FXR2: variants seen among roughly 807,000 people sequenced by gnomAD.
FXR2 encodes FMR1 autosomal homolog 2.
FXR2 carries 9 observed loss-of-function variants against 87.3 expected under a neutral mutation model. That is an observed-to-expected ratio of 0.10 (90% CI 0.06 to 0.18). The LOEUF is 0.18. FXR2 is among the 10% of genes least tolerant of loss of function. The probability of loss-of-function intolerance (pLI) is 1.00; values close to 1 mark genes in which losing one functional copy is unlikely to be tolerated. For missense variants in FXR2, 661 were observed against 893.6 expected (o/e 0.74, Z 3.32); for synonymous variants, 331 against 328.3 (o/e 1.01, Z -0.09).
At position 7,592,958 on chromosome 17, in the gene FXR2, TA is replaced by T. The variant is rs758197355; in HGVS notation, c.1528+25del. The T allele has an allele frequency of 7.3e-5, 113 of 1,550,734 alleles. No individual in the cohort carries two copies. The highest frequency in any genetic ancestry group is 9.7e-5 in the Non-Finnish European group (112 of 1,149,794). On this transcript the variant is annotated intron_variant, in intron 13 of 16. Coordinates refer to ENST00000250113, the MANE Select transcript of FXR2 (RefSeq NM_004860.4). The surrounding 1 kb of genome is among the most constrained non-coding windows in gnomAD (Gnocchi z 4.8). ...GCCCATCATCTTTCCTTTTGGCCCA[TA>T]TTCATGAACCCAGCTGTCTGGTACC...
At position 7,594,116 on chromosome 17, in the gene FXR2, A is replaced by C; in HGVS notation, c.1021-112T>G. On this transcript the variant is annotated intron_variant, in intron 10 of 16. Coordinates refer to ENST00000250113, the MANE Select transcript of FXR2 (RefSeq NM_004860.4). The surrounding 1 kb of genome is among the most constrained non-coding windows in gnomAD (Gnocchi z 5.1). ...CCAGTGGGATCATTCTGGGCTCTAA[A>C]TCTACTAGTGTTAAACAACTTTCCG... 2 of 900,430 alleles carry C rather than the reference A, an allele frequency of 2.2e-6. No homozygotes were observed. Among genetic ancestry groups the C allele is most frequent in the South Asian group, 2.7e-5 (2 of 73,560 alleles). 55.8% of individuals were successfully genotyped at this position (900,430 alleles called of 1,614,324 possible).
chr17:7,602,944 A>G lies in FXR2; in HGVS notation c.508T>C (p.Phe170Leu). ...FKKALGANCI[F>L]LNITNSELFI... ...AGCTCACTGTTTGTGATGTTGAGAAAGATGCAGTTGGCTCCCAGGGCTTTC... is the reference window on the plus strand; with the variant it reads ...AGCTCACTGTTTGTGATGTTGAGAAGGATGCAGTTGGCTCCCAGGGCTTTC... The change falls in exon 6 of 17, where the codon TTT becomes CTT. Residue 170 changes from phenylalanine (F) to leucine (L), a missense_variant. Around this residue, in one of 3 missense-constraint regions of FXR2, gnomAD observed 170 missense variants for 247.2 expected, o/e 0.69. Coordinates refer to ENST00000250113, the MANE Select transcript of FXR2 (RefSeq NM_004860.4). 6.3e-7 allele frequency: 1 copy of G among 1,586,922 alleles called. No individual in the cohort carries two copies. Among genetic ancestry groups the G allele is most frequent in the Non-Finnish European group, 8.6e-7 (1 of 1,156,130 alleles).
Position 7,606,129 on chromosome 17 carries a change from A to G in FXR2, c.102T>C (p.His34=), listed in dbSNP as rs373601494. The change falls in exon 2 of 17, where the codon CAT becomes CAC. Residue 34 remains histidine, a synonymous_variant. Coordinates refer to ENST00000250113, the MANE Select transcript of FXR2 (RefSeq NM_004860.4). ...AFYKGFVKDV[H]EDSVTIFFEN... is the part of the protein sequence containing the mutation. The stretch of plus-strand genomic sequence containing the variant: ...CAAAGAAGATGGTGACAGAGTCTTC[A>G]TGGACATCCTTCACAAAGCCCTAGA... 50 of 1,546,598 alleles carry G rather than the reference A, an allele frequency of 3.2e-5. No individual in the cohort carries two copies. Among genetic ancestry groups the G allele is most frequent in the Non-Finnish European group, 4.3e-5 (49 of 1,142,692 alleles).
chr17:7,594,464 C>A lies in FXR2; in HGVS notation c.911-117G>T. The A allele has an allele frequency of 1.4e-6, 1 of 703,932 alleles. No homozygotes were observed. The highest frequency in any genetic ancestry group is 2.5e-6 in the Non-Finnish European group (1 of 406,288). The allele number at this position is 703,932 out of a possible 1,614,324, so 43.6% of individuals were successfully genotyped here. A position where few individuals can be genotyped will look rare whatever the true frequency, so the allele number is the denominator to read the frequency against. On this transcript the variant is annotated intron_variant, in intron 9 of 16. Coordinates refer to ENST00000250113, the MANE Select transcript of FXR2 (RefSeq NM_004860.4). This position sits in a 1 kb window ranked among gnomAD's most constrained non-coding sequence, Gnocchi z 5.1. The stretch of plus-strand genomic sequence containing the variant: ...ATATGGATTCCATTTACTTCATTCT[C>A]CTGCTTCTAGGTTTCTGATGTGTTT...
chr17:7,601,093 C>T (rs952842783), intron 7 of FXR2, among the ~76,000 whole-genome samples: 11 of 151,642 alleles, frequency 7.3e-5, no homozygotes, highest in South Asian at 2.1e-4. Flanking sequence ...GCATGAGAAT[C>T]GCTTAAACAC....
Position 7,592,005 on chromosome 17 carries a change from C to T in FXR2, c.1927-80G>A. On this transcript the variant is annotated intron_variant, in intron 16 of 16. Transcript: ENST00000250113. This position sits in a 1 kb window ranked among gnomAD's most constrained non-coding sequence, Gnocchi z 4.8. Reference sequence around the variant, plus strand: ...CAGGTGGGAGACATTCCCTACCATCCAAGCCCTCCTGGCATTTGGTGATCC... The same window carrying T: ...CAGGTGGGAGACATTCCCTACCATCTAAGCCCTCCTGGCATTTGGTGATCC... The T allele has an allele frequency of 8.3e-7, 1 of 1,199,170 alleles. No homozygotes were observed. The highest frequency in any genetic ancestry group is 1.2e-6 in the Non-Finnish European group (1 of 848,064). 74.3% of individuals were successfully genotyped at this position (1,199,170 alleles called of 1,614,324 possible). A position where few individuals can be genotyped will look rare whatever the true frequency, so the allele number is the denominator to read the frequency against.
At position 7,595,745 on chromosome 17, in the gene FXR2, G is replaced by T; in HGVS notation, c.831+79C>A. On this transcript the variant is annotated intron_variant, in intron 8 of 16. Coordinates refer to ENST00000250113, the MANE Select transcript of FXR2 (RefSeq NM_004860.4). This position sits in a 1 kb window ranked among gnomAD's most constrained non-coding sequence, Gnocchi z 4.7. Reference sequence around the variant, plus strand: ...TTACAGGTGTGAGCCACTGTGCCCAGTTTGAGGCTTATTTTCTACTTCGGC... The same window carrying T: ...TTACAGGTGTGAGCCACTGTGCCCATTTTGAGGCTTATTTTCTACTTCGGC... 8.3e-7 allele frequency: 1 copy of T among 1,200,918 alleles called. No homozygotes were observed. The highest frequency in any genetic ancestry group is 1.2e-6 in the Non-Finnish European group (1 of 831,902). The allele number at this position is 1,200,918 out of a possible 1,614,324, so 74.4% of individuals were successfully genotyped here.
intron 1 of FXR2, 54 bp from the exon 2 acceptor site, chr17:7,606,203 C>A (rs2036141425): frequency 8.6e-7 from 1 of 1,157,458 alleles, no homozygotes; most frequent in Non-Finnish European, 1.3e-6. Flanking sequence ...TTTACTTCCA[C>A]CTTAGCCATC....
rs1342829319 is a variant in FXR2 at position 7,593,086 on chromosome 17, G to A, written c.1426C>T (p.Arg476Ter). 1 of 1,592,824 alleles carries A rather than the reference G, an allele frequency of 6.3e-7. No individual in the cohort carries two copies. Among genetic ancestry groups the A allele is most frequent in the Non-Finnish European group, 8.5e-7 (1 of 1,170,970 alleles). ...GGCCGCCTCCGGCTTTCTTCCCCTC[G>A]GGTTGGGGGATCCCTGTCGCCAGGC... ...AGPGDRDPPT[R>*]GEESRRRPTG... Residue 476 changes from arginine (R) to a stop codon, truncating the protein, a stop_gained, in exon 13 of 17, where the codon CGA becomes TGA. Transcript: ENST00000250113. LOFTEE classifies it high-confidence loss of function. This position sits in a 1 kb window ranked among gnomAD's most constrained non-coding sequence, Gnocchi z 6.1.
Position 7,614,621 on chromosome 17 carries a change from G to A in FXR2, c.-89C>T, listed in dbSNP as rs1480469280. ...GCCAGGCCCCCGGCGTCTCCCCGGA[G>A]GAGGAGCCGGAGGGGGAGCCGCGGG... On this transcript the variant is annotated 5_prime_UTR_variant, in exon 1 of 17. Transcript: ENST00000250113. 1 of 733,970 alleles carries A rather than the reference G, an allele frequency of 1.4e-6. No homozygotes were observed. Among genetic ancestry groups the A allele is most frequent in the South Asian group, 5.8e-5 (1 of 17,328 alleles). 45.5% of individuals were successfully genotyped at this position (733,970 alleles called of 1,614,324 possible).
chr17:7,602,163 C>T (rs1441020023), intron 6 of FXR2, among the ~76,000 whole-genome samples: 1 of 152,022 alleles, frequency 6.6e-6, no homozygotes, highest in Non-Finnish European at 1.5e-5. Flanking sequence ...GTGGCTCACG[C>T]CTGTGATCCC....
chr17:7,608,628 AAG>A (rs934782243), intron 1 of FXR2, among the ~76,000 whole-genome samples: 3 of 150,076 alleles, frequency 2.0e-5, no homozygotes, highest in Non-Finnish European at 4.4e-5. Context: ...AAAAAAAAAA[AAG>A]AAGAAAAGAA....
intron 4 of FXR2, 26 bp from the exon 5 acceptor site, chr17:7,603,931 T>C (rs754845410): frequency 3.1e-6 from 5 of 1,613,544 alleles, no homozygotes; most frequent in Non-Finnish European, 4.2e-6. Flanking sequence ...AAAGGAGAAG[T>C]TGTGGATGAC....
In FXR2 at chr17:7,592,181, G is replaced by A; in HGVS notation, c.1926+73C>T. 4 of 1,551,662 alleles carry A rather than the reference G, an allele frequency of 2.6e-6. No individual in the cohort carries two copies. Among genetic ancestry groups the A allele is most frequent in the Admixed American group, 3.6e-5 (2 of 54,892 alleles). On this transcript the variant is annotated intron_variant, in intron 16 of 16. Coordinates refer to ENST00000250113, the MANE Select transcript of FXR2 (RefSeq NM_004860.4). This position sits in a 1 kb window ranked among gnomAD's most constrained non-coding sequence, Gnocchi z 4.8. The stretch of plus-strand genomic sequence containing the variant: ...CTCTGCAATTCAGTAGGAGATTTGT[G>A]AAATTTTTTGTGCCCCCTGCCCCAG...
At chr17:7,614,303 C>G in intron 1 of FXR2, 149 bp downstream of exon 1, 1 of 673,282 alleles carries the variant, frequency 1.5e-6, no homozygotes, top group Non-Finnish European at 2.6e-6. Context: ...TCTAAGCGGT[C>G]TCCCAGGGAA....
chr17:7,611,393 C>T (rs1244930446), intron 1 of FXR2, among the ~76,000 whole-genome samples: 5 of 152,140 alleles, frequency 3.3e-5, no homozygotes, highest in African/African-American at 4.8e-5. Flanking sequence ...GACGGGAGGG[C>T]GTGGTGGCTC....
rs1016209850 is a variant in FXR2 at position 7,591,729 on chromosome 17, C to G, written c.*101G>C. ...AAGCTGCTGTGCCACCCCCCTCCCC[C>G]CTAGATAAGAGCAGCTCCAGCGCAG... On this transcript the variant is annotated 3_prime_UTR_variant, in exon 17 of 17. Transcript: ENST00000250113. The surrounding 1 kb of genome is among the most constrained non-coding windows in gnomAD (Gnocchi z 4.0). 55 of 750,876 alleles carry G rather than the reference C, an allele frequency of 7.3e-5. No individual in the cohort carries two copies. The highest frequency in any genetic ancestry group is 1.3e-4 in the Non-Finnish European group (52 of 415,036). 46.5% of individuals were successfully genotyped at this position (750,876 alleles called of 1,614,324 possible). A position where few individuals can be genotyped will look rare whatever the true frequency, so the allele number is the denominator to read the frequency against.
chr17:7,613,807 G>A (rs2071900503), intron 1 of FXR2: 2 of 347,248 alleles, frequency 5.8e-6, no homozygotes, highest in Admixed American at 7.5e-5. Context: ...GGTGTGGTGG[G>A]GAGAGAGACT....
At position 7,592,767 on chromosome 17, in the gene FXR2, G is replaced by A; in HGVS notation, c.1656C>T (p.Arg552=). The A allele has an allele frequency of 6.2e-7, 1 of 1,611,226 alleles. No individual in the cohort carries two copies. Among genetic ancestry groups the A allele is most frequent in the Non-Finnish European group, 8.5e-7 (1 of 1,178,440 alleles). ...CCATGACGGTCCTGTCTTCATCAGT[G>A]CGGCGGCGGCGGGAGCGGCGGCGCC... ...SARRRRSRRR[R]TDEDRTVMDG... is the part of the protein sequence containing the mutation. The change falls in exon 14 of 17, where the codon CGC becomes CGT. Residue 552 remains arginine, a synonymous_variant. Transcript: ENST00000250113. This position sits in a 1 kb window ranked among gnomAD's most constrained non-coding sequence, Gnocchi z 4.8.
Sources: gnomAD v4.1 joint callset for allele counts (sites outside exome capture counted in the v4.1 genomes callset) on GRCh38, gnomAD v4.1.1 for gene constraint, gnomAD v4.1.1 regional missense constraint, Gnocchi (gnomAD v3.1) non-coding constraint, MANE v1.5 for transcripts, NCBI Gene and HGNC (gene_info 2026-07-23, HGNC 2026-07-21) for gene names.